Variants in CCNY observed in about 807,000 individuals in gnomAD.
CCNY encodes the protein cyclin-Y.
In CCNY, 19 loss-of-function variants were observed where a neutral mutation model predicts 42.8. The ratio of observed to expected loss-of-function variants is 0.44; its 90% CI spans 0.31 to 0.65. The LOEUF (loss-of-function observed/expected upper bound fraction) is 0.65. Ranked by LOEUF, CCNY falls within the 30% of genes least tolerant of loss-of-function variation. CCNY has a pLI of 0.07. For synonymous variants in CCNY, 165 were observed against 162.7 expected, an observed-to-expected ratio of 1.01 and a Z score of -0.11; for missense variants, 370 against 437.3, an observed-to-expected ratio of 0.85 and a Z score of 1.37.
intron 7 of CCNY, among the ~76,000 whole-genome samples, chr10:35,541,867 C>T (rs1427506326): frequency 6.6e-6 from 1 of 151,486 alleles, no homozygotes; most frequent in African/African-American, 2.4e-5. Flanking sequence ...CATGTTGTAT[C>T]TAGTTGTCAT....
At chr10:35,529,321 G>A (rs993318710) in intron 5 of CCNY, among the ~76,000 whole-genome samples, 1 of 152,146 alleles carries the variant, frequency 6.6e-6, no homozygotes, top group African/African-American at 2.4e-5. Flanking sequence ...ATCACCCACA[G>A]TATGTTGATG....
chr10:35,326,585 G>A (rs1013836330), intron 3 of CCNY, among the ~76,000 whole-genome samples: 2 of 152,152 alleles, frequency 1.3e-5, no homozygotes, highest in African/African-American at 2.4e-5. Flanking sequence ...TTTCCAGGCT[G>A]CACTTTTCCT....
chr10:35,367,082 T>C (rs756376064), intron 1 of CCNY, among the ~76,000 whole-genome samples: 1 of 152,266 alleles, frequency 6.6e-6, no homozygotes, highest in Non-Finnish European at 1.5e-5. Flanking sequence ...GATGTTACCA[T>C]GCTGATTCCT....
rs115699874 is a variant in CCNY, at chr10:35,539,381, G to A, written c.579+9138G>A. 2.2e-3 allele frequency among the ~76,000 whole-genome samples: 337 copies of A among 152,298 alleles called. 1 individual carries two copies. Among genetic ancestry groups the A allele is most frequent in the African/African-American group, 7.7e-3 (321 of 41,554 alleles). ...AGTATTGCAGTCTTAGCAATATTAA[G>A]CATTCAAATCTCTTCTAACATGGAA... On this transcript the variant is annotated intron_variant, in intron 7 of 9. Transcript: ENST00000374704.
intron 1 of CCNY, among the ~76,000 whole-genome samples, chr10:35,342,490 TCCATGA>T (rs1183896973): frequency 6.6e-6 from 1 of 152,210 alleles, no homozygotes; most frequent in Non-Finnish European, 1.5e-5. Flanking sequence ...TGACCATGGG[TCCATGA>T]CCTGTCTCTG....
chr10:35,292,032 C>T (rs1308880749), intron 3 of CCNY, among the ~76,000 whole-genome samples: 1 of 152,162 alleles, frequency 6.6e-6, no homozygotes, highest in Non-Finnish European at 1.5e-5. Context: ...ATATTTGCCA[C>T]CTTATCTTTT....
At chr10:35,336,478 C>CGGGCGCCGCTGGCGAGGGA (rs1461785146), upstream of CCNY, 1 of 151,052 alleles carries the variant, frequency 6.6e-6, no homozygotes, top group Admixed American at 6.6e-5. Flanking sequence ...GCGGCGAGGG[C>CGGGCGCCGCTGGCGAGGGA]GGGCGCCGCT....
chr10:35,377,401 T>TA (rs1302932274), intron 1 of CCNY, among the ~76,000 whole-genome samples: 1 of 152,226 alleles, frequency 6.6e-6, no homozygotes, highest in Non-Finnish European at 1.5e-5. Flanking sequence ...AGCATTGTGT[T>TA]ACGATTGCCC....
At chr10:35,340,653 C>T (rs540583421) in intron 1 of CCNY, among the ~76,000 whole-genome samples, 49 of 152,044 alleles carry the variant, frequency 3.2e-4, no homozygotes, top group Admixed American at 2.7e-3. Flanking sequence ...TACAGGCATG[C>T]GCCACCACGC....
intron 1 of CCNY, among the ~76,000 whole-genome samples, chr10:35,467,493 T>C (rs893610336): frequency 2.0e-5 from 3 of 152,230 alleles, no homozygotes; most frequent in Non-Finnish European, 4.4e-5. Context: ...TTGAGCACTA[T>C]TGCTGGGATA....
intron 3 of CCNY, among the ~76,000 whole-genome samples, chr10:35,514,075 CA>C (rs11451104): frequency 0.06 from 4,545 of 76,034 alleles, 68 homozygotes; most frequent in African/African-American, 0.17. Flanking sequence ...AGGACCAGTT[CA>C]AAAAAAAAAA....
At chr10:35,475,410 G>T (rs1256286139) in intron 1 of CCNY, among the ~76,000 whole-genome samples, 1 of 152,016 alleles carries the variant, frequency 6.6e-6, no homozygotes, top group African/African-American at 2.4e-5. Flanking sequence ...TACCCTCAAA[G>T]GGAAGCCCAT....
At chr10:35,480,314 A>G (rs1167168959) in intron 1 of CCNY, among the ~76,000 whole-genome samples, 1 of 152,024 alleles carries the variant, frequency 6.6e-6, no homozygotes, top group Non-Finnish European at 1.5e-5. Context: ...TTTCATAGGG[A>G]GAGTGTGAGA....
intron 1 of CCNY, chr10:35,347,601 G>C (rs889144794): frequency 1.1e-5 from 2 of 176,938 alleles, no homozygotes; most frequent in African/African-American, 4.8e-5. Context: ...AGGATATTTT[G>C]TTTATATTTG....
At chr10:35,464,319 A>G (rs968528632) in intron 1 of CCNY, among the ~76,000 whole-genome samples, 1 of 152,014 alleles carries the variant, frequency 6.6e-6, no homozygotes, top group African/African-American at 2.4e-5. Flanking sequence ...AAATCCATCT[A>G]CTTTTTCCAA....
At chr10:35,253,414 A>AATTTTTTTTTTTTTTTTTTT (rs775450185) in intron 3 of CCNY, among the ~76,000 whole-genome samples, 3 of 89,036 alleles carry the variant, frequency 3.4e-5, no homozygotes, top group Non-Finnish European at 6.5e-5. Flanking sequence ...CATGCTCACT[A>AATTTTTTTTTTTTTTTTTTT]TTTTTTTTTT....
chr10:35,464,623 C>A (rs567742017), intron 1 of CCNY, among the ~76,000 whole-genome samples: 12 of 151,388 alleles, frequency 7.9e-5, no homozygotes, highest in African/African-American at 2.9e-4. Flanking sequence ...TTATGCCCTT[C>A]GCCTGCTCCC....
At chr10:35,313,678 A>G (rs1378749359) in intron 3 of CCNY, among the ~76,000 whole-genome samples, 1 of 152,188 alleles carries the variant, frequency 6.6e-6, no homozygotes, top group Non-Finnish European at 1.5e-5. Context: ...AATTACTAAG[A>G]TTAAAAGTAA....
intron 9 of CCNY, 112 bp from the exon 10 acceptor site, chr10:35,568,942 A>AG: frequency 1.4e-6 from 1 of 707,962 alleles, no homozygotes; most frequent in Non-Finnish European, 2.5e-6. Context: ...GGAGCTCCAC[A>AG]GGGGCAGGGG....
Sources: gnomAD v4.1 joint callset for allele counts (sites outside exome capture counted in the v4.1 genomes callset) on GRCh38, gnomAD v4.1.1 for gene constraint, MANE v1.5 for transcripts, NCBI Gene and HGNC (gene_info 2026-07-23, HGNC 2026-07-21) for gene names.